HMGB1: variants seen among roughly 807,000 people sequenced by gnomAD.
HMGB1 encodes the protein high mobility group protein B1.
For missense variants in HMGB1, 79 were observed against 253.5 expected, an observed-to-expected ratio of 0.31 and a Z score of 4.67; for synonymous variants, 81 against 84.0, an observed-to-expected ratio of 0.96 and a Z score of 0.19.
At chr13:30,527,042 C>T (rs916135002) in intron 1 of HMGB1, among the ~76,000 whole-genome samples, 23 of 152,218 alleles carry the variant, frequency 1.5e-4, no homozygotes, top group African/African-American at 5.3e-4. Context: ...CCGGAGGGGC[C>T]GAGCCCGCCT....
chr13:30,581,214 T>G (rs1248004262), intron 1 of HMGB1, among the ~76,000 whole-genome samples: 1 of 152,216 alleles, frequency 6.6e-6, no homozygotes, highest in African/African-American at 2.4e-5. Context: ...TCTTATAACT[T>G]AGATTACTTA....
At chr13:30,515,445 A>G (rs1888081471) in intron 1 of HMGB1, among the ~76,000 whole-genome samples, 1 of 152,228 alleles carries the variant, frequency 6.6e-6, no homozygotes, top group Non-Finnish European at 1.5e-5. Context: ...GTCATGCAAC[A>G]ATAGAAGACT....
intron 1 of HMGB1, among the ~76,000 whole-genome samples, chr13:30,591,437 T>C (rs937899163): frequency 5.9e-5 from 9 of 152,076 alleles, no homozygotes; most frequent in African/African-American, 2.2e-4. Flanking sequence ...CGATTTTATA[T>C]AATATATTGT....
At chr13:30,562,313 G>T (rs1365630295) in intron 1 of HMGB1, among the ~76,000 whole-genome samples, 3 of 143,630 alleles carry the variant, frequency 2.1e-5, no homozygotes, top group Non-Finnish European at 4.6e-5. Context: ...AAAAAAAAAA[G>T]ATGTATTTAT....
intron 1 of HMGB1, among the ~76,000 whole-genome samples, chr13:30,561,122 G>A (rs1377194188): frequency 6.6e-6 from 1 of 151,572 alleles, no homozygotes; most frequent in African/African-American, 2.4e-5. Context: ...AAGCAGGAGA[G>A]TGACAGATTT....
At chr13:30,597,874 T>G (rs1871687083) in intron 1 of HMGB1, among the ~76,000 whole-genome samples, 1 of 152,150 alleles carries the variant, frequency 6.6e-6, no homozygotes, top group African/African-American at 2.4e-5. Flanking sequence ...ACAAGCCTCC[T>G]TTCCCTGGGC....
intron 1 of HMGB1, among the ~76,000 whole-genome samples, chr13:30,517,632 G>A (rs1228841389): frequency 5.9e-5 from 9 of 152,106 alleles, no homozygotes; most frequent in African/African-American, 4.8e-5. Flanking sequence ...CAAATGATCC[G>A]CCCGCCTTGG....
At chr13:30,517,851 C>A (rs17074691) in intron 1 of HMGB1, among the ~76,000 whole-genome samples, 23,091 of 152,146 alleles carry the variant, frequency 0.15, 2,105 homozygotes, top group African/African-American at 0.25. Context: ...CTGGGACAAT[C>A]AATGTGAAAG....
At chr13:30,595,676 A>G (rs1457144077) in intron 1 of HMGB1, among the ~76,000 whole-genome samples, 1 of 152,094 alleles carries the variant, frequency 6.6e-6, no homozygotes, top group Admixed American at 6.6e-5. Context: ...CCATCCTTTG[A>G]GGGCTCTGAG....
chr13:30,585,074 C>T (rs776427049), intron 1 of HMGB1, among the ~76,000 whole-genome samples: 2 of 151,744 alleles, frequency 1.3e-5, no homozygotes, highest in Non-Finnish European at 2.9e-5. Flanking sequence ...TGCTTGACCC[C>T]AGGAGATTGA....
chr13:30,507,330 C>T (rs79959142), intron 1 of HMGB1, among the ~76,000 whole-genome samples: 7,318 of 152,252 alleles, frequency 0.048, 210 homozygotes, highest in Middle Eastern at 0.11. Context: ...ACCTCACACA[C>T]GTATTCAGAG....
At chr13:30,551,738 C>G (rs1028568388) in intron 1 of HMGB1, among the ~76,000 whole-genome samples, 16 of 152,144 alleles carry the variant, frequency 1.1e-4, no homozygotes, top group Non-Finnish European at 1.9e-4. Context: ...CAGGGTCTTG[C>G]TCTGTTGCCC....
intron 1 of HMGB1, among the ~76,000 whole-genome samples, chr13:30,500,162 C>T (rs1012233630): frequency 3.3e-5 from 5 of 152,128 alleles, no homozygotes; most frequent in African/African-American, 1.2e-4. Context: ...TTTTGCATGT[C>T]CTGCTTGTCC....
At chr13:30,556,777 G>T (rs1283838391) in intron 1 of HMGB1, among the ~76,000 whole-genome samples, 1 of 152,162 alleles carries the variant, frequency 6.6e-6, no homozygotes, top group African/African-American at 2.4e-5. Flanking sequence ...AGAGAGATTT[G>T]TTAAAAGATA....
intron 1 of HMGB1, among the ~76,000 whole-genome samples, chr13:30,548,179 T>C (rs886676449): frequency 6.6e-6 from 1 of 151,984 alleles, no homozygotes; most frequent in African/African-American, 2.4e-5. Flanking sequence ...CAGTGGGAGG[T>C]AATTGAATCA....
chr13:30,487,065 G>C (rs1293249525), intron 1 of HMGB1, among the ~76,000 whole-genome samples: 1 of 152,234 alleles, frequency 6.6e-6, no homozygotes, highest in African/African-American at 2.4e-5. Flanking sequence ...ACATGATAGG[G>C]AGAGACCTGA....
intron 1 of HMGB1, among the ~76,000 whole-genome samples, chr13:30,523,256 T>C (rs1288424949): frequency 6.6e-6 from 1 of 152,246 alleles, no homozygotes; most frequent in East Asian, 1.9e-4. Context: ...ACATTTTCTA[T>C]TCATGAACTA....
intron 1 of HMGB1, among the ~76,000 whole-genome samples, chr13:30,531,308 A>G (rs906993485): frequency 6.6e-6 from 1 of 152,208 alleles, no homozygotes; most frequent in Non-Finnish European, 1.5e-5. Context: ...AAAGCTAATG[A>G]AAGAAAAGAG....
intron 1 of HMGB1, among the ~76,000 whole-genome samples, chr13:30,530,979 C>T (rs1228744471): frequency 2.0e-5 from 3 of 152,156 alleles, no homozygotes; most frequent in East Asian, 3.8e-4. Context: ...GCCAGAAGGT[C>T]GAGGCTGCAG....
Sources: allele counts gnomAD v4.1 joint callset (sites outside exome capture counted in the v4.1 genomes callset), GRCh38; gene constraint gnomAD v4.1.1; transcripts MANE v1.5; gene names NCBI Gene and HGNC (gene_info 2026-07-23, HGNC 2026-07-21).